Variants in CARMIL1 observed in about 807,000 individuals in gnomAD.
CARMIL1 encodes the protein capping protein regulator and myosin 1 linker 1.
In CARMIL1, 90 loss-of-function variants were observed where a neutral mutation model predicts 177.1. That is an observed-to-expected ratio of 0.51 (90% CI 0.43 to 0.61). The LOEUF (loss-of-function observed/expected upper bound fraction) is 0.61. Ranked by LOEUF, CARMIL1 falls within the 20% of genes least tolerant of loss-of-function variation. The pLI is 0.00. For synonymous variants in CARMIL1, 577 were observed against 606.2 expected, an observed-to-expected ratio of 0.95 and a Z score of 0.71; for missense variants, 1,380 against 1,667.0, an observed-to-expected ratio of 0.83 and a Z score of 3.00.
intron 2 of CARMIL1, among the ~76,000 whole-genome samples, chr6:25,304,662 G>A (rs1783126737): frequency 6.6e-6 from 1 of 152,202 alleles, no homozygotes; most frequent in Non-Finnish European, 1.5e-5. Flanking sequence ...TTCCTAACAG[G>A]CCACAGACTG....
At chr6:25,333,032 C>T (rs936117458) in intron 2 of CARMIL1, among the ~76,000 whole-genome samples, 3 of 152,142 alleles carry the variant, frequency 2.0e-5, no homozygotes, top group African/African-American at 7.2e-5. Context: ...AAATGGTTTA[C>T]ACTCAGATGT....
intron 2 of CARMIL1, among the ~76,000 whole-genome samples, chr6:25,290,811 G>A (rs1781896504): frequency 6.6e-6 from 1 of 152,022 alleles, no homozygotes; most frequent in Admixed American, 6.6e-5. Flanking sequence ...TGAACGACAG[G>A]GTCTCACTGT....
At chr6:25,480,503 T>C (rs1801985801) in intron 11 of CARMIL1, among the ~76,000 whole-genome samples, 1 of 151,646 alleles carries the variant, frequency 6.6e-6, no homozygotes, top group Admixed American at 6.6e-5. Context: ...CATATCTTTT[T>C]TCGCTTTTAC....
At chr6:25,582,484 C>G (rs79681349) in intron 31 of CARMIL1, among the ~76,000 whole-genome samples, 7,710 of 152,256 alleles carry the variant, frequency 0.051, 284 homozygotes, top group Non-Finnish European at 0.083. Context: ...GTACCTTGGG[C>G]TCAAAAATTT....
At chr6:25,475,539 T>C (rs1801485367) in intron 11 of CARMIL1, among the ~76,000 whole-genome samples, 1 of 152,172 alleles carries the variant, frequency 6.6e-6, no homozygotes, top group Non-Finnish European at 1.5e-5. Context: ...TTAGTTATAA[T>C]AGTCAAAAAG....
chr6:25,450,946 C>CCTCTT (rs1156817052), intron 8 of CARMIL1, among the ~76,000 whole-genome samples: 379 of 15,356 alleles, frequency 0.025, 62 homozygotes, highest in East Asian at 0.15. Context: ...CCTCTCCTCT[C>CCTCTT]CTCTCCTCTC....
chr6:25,470,999 G>A (rs1481279412), intron 9 of CARMIL1, among the ~76,000 whole-genome samples, 170 bp from the exon 10 acceptor site: 6 of 152,170 alleles, frequency 3.9e-5, no homozygotes, highest in Non-Finnish European at 5.9e-5. Context: ...TTATATCATT[G>A]TATTTCCAGG....
At chr6:25,513,179 A>C (rs987103380) in intron 20 of CARMIL1, among the ~76,000 whole-genome samples, 3 of 152,210 alleles carry the variant, frequency 2.0e-5, no homozygotes, top group African/African-American at 7.2e-5. Flanking sequence ...TTTTCGTAGT[A>C]ATTGAATCAA....
chr6:25,484,284 T>G (rs1201658407), intron 12 of CARMIL1, among the ~76,000 whole-genome samples: 1 of 152,254 alleles, frequency 6.6e-6, no homozygotes, highest in Non-Finnish European at 1.5e-5. Flanking sequence ...TCACGGAATG[T>G]GCCTTGGATA....
At chr6:25,295,110 TA>T (rs1205278541) in intron 2 of CARMIL1, among the ~76,000 whole-genome samples, 5 of 152,040 alleles carry the variant, frequency 3.3e-5, no homozygotes, top group African/African-American at 1.2e-4. Context: ...AAAACAATAA[TA>T]AAACATAGGA....
intron 2 of CARMIL1, among the ~76,000 whole-genome samples, chr6:25,345,727 G>T (rs1327152782): frequency 6.6e-6 from 1 of 152,086 alleles, no homozygotes; most frequent in Non-Finnish European, 1.5e-5. Flanking sequence ...TGCAGTTATT[G>T]TGCCTCAGCC....
intron 23 of CARMIL1, among the ~76,000 whole-genome samples, chr6:25,526,358 T>G (rs1453606898): frequency 1.3e-5 from 2 of 151,010 alleles, no homozygotes; most frequent in Non-Finnish European, 3.0e-5. Flanking sequence ...AAAAAGAAAA[T>G]GGACATTCAG....
intron 2 of CARMIL1, among the ~76,000 whole-genome samples, chr6:25,337,731 G>A (rs1657416319): frequency 6.6e-6 from 1 of 152,230 alleles, no homozygotes; most frequent in Admixed American, 6.5e-5. Context: ...TTCTTTTGTT[G>A]CATAGTAAAA....
intron 9 of CARMIL1, 68 bp downstream of exon 9, chr6:25,466,016 GA>G (rs1161901344): frequency 1.9e-5 from 22 of 1,165,678 alleles, no homozygotes; most frequent in South Asian, 1.1e-4. Flanking sequence ...ATAATTGTGG[GA>G]AAAAAACAAT....
chr6:25,582,151 C>T (rs1029428693), intron 31 of CARMIL1, among the ~76,000 whole-genome samples: 3 of 152,192 alleles, frequency 2.0e-5, no homozygotes, highest in Non-Finnish European at 4.4e-5. Context: ...TCTATATCTA[C>T]CTACCCTTTA....
chr6:25,507,431 C>G (rs1805023511), intron 17 of CARMIL1: 1 of 152,530 alleles, frequency 6.6e-6, no homozygotes, highest in African/African-American at 2.4e-5. Context: ...TCTTGTTCTG[C>G]ATACTGCTGA....
chr6:25,331,568 A>G (rs1224935497), intron 2 of CARMIL1, among the ~76,000 whole-genome samples: 1 of 152,156 alleles, frequency 6.6e-6, no homozygotes, highest in African/African-American at 2.4e-5. Context: ...CCTACTTAAA[A>G]TCCTTCAGCA....
intron 15 of CARMIL1, 74 bp downstream of exon 15, chr6:25,492,098 A>G: frequency 7.9e-7 from 1 of 1,268,026 alleles, no homozygotes. Context: ...GATAAGGAAA[A>G]CAGTGATAAA....
At chr6:25,434,884 C>G (rs1302357675) in intron 4 of CARMIL1, among the ~76,000 whole-genome samples, 4 of 152,046 alleles carry the variant, frequency 2.6e-5, no homozygotes, top group African/African-American at 9.7e-5. Context: ...TCTTTTGCTC[C>G]CAAGCAAAAG....
Sources: allele counts gnomAD v4.1 joint callset (sites outside exome capture counted in the v4.1 genomes callset), GRCh38; gene constraint gnomAD v4.1.1; transcripts MANE v1.5; gene names NCBI Gene and HGNC (gene_info 2026-07-23, HGNC 2026-07-21).